CCDC149: variants seen among roughly 807,000 people sequenced by gnomAD.
CCDC149 encodes coiled-coil domain-containing protein 149.
A neutral mutation model predicts 59.9 loss-of-function variants in CCDC149; 45 were observed. That is an observed-to-expected ratio of 0.75 (90% confidence interval 0.59 to 0.96). CCDC149 has a LOEUF of 0.96. Ranked by LOEUF, CCDC149 falls within the 40% of genes least tolerant of loss-of-function variation. The pLI is 0.00. For synonymous variants in CCDC149, 245 were observed against 260.6 expected (o/e 0.94, Z 0.58); for missense variants, 584 against 664.7 (o/e 0.88, Z 1.33).
At chr4:24,819,112 T>C (rs1715195786) in intron 12 of CCDC149, among the ~76,000 whole-genome samples, 1 of 152,214 alleles carries the variant, frequency 6.6e-6, no homozygotes, top group Admixed American at 6.5e-5. Context: ...GAACTGTCTA[T>C]CTGGTAAAGC....
In CCDC149 at chr4:24,880,189, A is replaced by C. The variant is rs1355128529; in HGVS notation, c.64-3492T>G. Among the ~76,000 whole-genome samples the C allele has an allele frequency of 2.0e-5, 3 of 152,254 alleles. No homozygotes were observed. In the East Asian group the frequency reaches 5.8e-4, roughly 29 times the overall value. Reference sequence around the variant, plus strand: ...AGGTGGTGGTACCTTTTCTATGTTTAGATACGTTTAGATACACAAATATGT... The same window carrying C: ...AGGTGGTGGTACCTTTTCTATGTTTCGATACGTTTAGATACACAAATATGT... On this transcript the variant is annotated intron_variant, in intron 1 of 12. Coordinates refer to ENST00000635206, the MANE Select transcript of CCDC149 (RefSeq NM_001330643.2).
chr4:24,874,575 C>T (rs1224815341), intron 2 of CCDC149, among the ~76,000 whole-genome samples: 1 of 152,054 alleles, frequency 6.6e-6, no homozygotes, highest in Admixed American at 6.5e-5. Flanking sequence ...GAGTGAGACT[C>T]TGTCTCACAC....
rs76160602 is a variant in CCDC149 at position 24,867,558 on chromosome 4, A to G, written c.264+6123T>C. Among the ~76,000 whole-genome samples the G allele has an allele frequency of 9.6e-4, 146 of 152,358 alleles. 4 individuals are homozygous for G. In the East Asian group the frequency reaches 0.021, roughly 22 times the overall value. On this transcript the variant is annotated intron_variant, in intron 3 of 12. Transcript: ENST00000635206. ...TATCTATACTTGAGAAGAACCATCA[A>G]TACATTTAGAGCAGCGGCTCTTAAA...
intron 12 of CCDC149, among the ~76,000 whole-genome samples, chr4:24,818,258 A>G (rs1202925410): frequency 6.6e-6 from 1 of 152,148 alleles, no homozygotes; most frequent in Admixed American, 6.6e-5. Flanking sequence ...ACAAAAAAAG[A>G]AGGAAGAAAG....
intron 3 of CCDC149, among the ~76,000 whole-genome samples, chr4:24,856,591 T>C (rs1025037607): frequency 6.6e-6 from 1 of 152,190 alleles, no homozygotes; most frequent in Non-Finnish European, 1.5e-5. Context: ...CTTCCCTCTC[T>C]CCCTCACCCC....
At chr4:24,925,307 G>C (rs1402885197) in intron 1 of CCDC149, among the ~76,000 whole-genome samples, 1 of 152,126 alleles carries the variant, frequency 6.6e-6, no homozygotes, top group Non-Finnish European at 1.5e-5. Context: ...CATGGCTCTT[G>C]GTTCAGCCCT....
intron 1 of CCDC149, among the ~76,000 whole-genome samples, chr4:24,887,224 G>C (rs946831792): frequency 7.5e-6 from 1 of 132,710 alleles, no homozygotes; most frequent in Non-Finnish European, 1.6e-5. Flanking sequence ...TATTTGGGTG[G>C]CTTTATAGCC....
rs1450895345 is a variant in CCDC149 at position 24,913,002 on chromosome 4, C to G, written c.-123G>C. ...CGCCTCCGAGCCGCTGCGCCGCCGC[C>G]TCTCGCGGCCGCCAGCGCTGTTGAC... On this transcript the variant is annotated 5_prime_UTR_variant, in exon 1 of 13. Coordinates refer to ENST00000635206, the MANE Select transcript of CCDC149 (RefSeq NM_001330643.2). 1.2e-5 allele frequency: 3 copies of G among 253,632 alleles called. No homozygotes were observed. The East Asian group carries it at 4.9e-4, about 41-fold the overall frequency. The allele number at this position is 253,632 out of a possible 1,614,324, so 15.7% of individuals were successfully genotyped here.
intron 1 of CCDC149, among the ~76,000 whole-genome samples, chr4:24,978,820 A>C (rs1161244860): frequency 6.6e-6 from 1 of 152,166 alleles, no homozygotes; most frequent in East Asian, 1.9e-4. Context: ...CCTTTGGTAA[A>C]ATGCCCCATA....
At chr4:24,866,808 T>C (rs199707063) in intron 3 of CCDC149, among the ~76,000 whole-genome samples, 4 of 79,650 alleles carry the variant, frequency 5.0e-5, no homozygotes, top group South Asian at 5.6e-4. Context: ...AAAAAAAATA[T>C]ACACACACAC....
At chr4:24,862,059 C>A (rs979845244) in intron 3 of CCDC149, among the ~76,000 whole-genome samples, 7 of 152,136 alleles carry the variant, frequency 4.6e-5, no homozygotes, top group African/African-American at 1.7e-4. Flanking sequence ...CAGAGACAGT[C>A]GGCACCAAGA....
intron 3 of CCDC149, among the ~76,000 whole-genome samples, chr4:24,863,681 T>C (rs115395042): frequency 0.014 from 2,119 of 152,368 alleles, 53 homozygotes; most frequent in African/African-American, 0.049. Flanking sequence ...TCTTACACTT[T>C]AGCCCAGGCA....
intron 1 of CCDC149, among the ~76,000 whole-genome samples, chr4:24,947,378 T>G (rs141891319): frequency 1.3e-5 from 2 of 152,304 alleles, no homozygotes; most frequent in East Asian, 3.9e-4. Flanking sequence ...AGGACATGTT[T>G]TCTTCCCCTT....
intron 9 of CCDC149, among the ~76,000 whole-genome samples, chr4:24,826,085 A>AG (rs1380861985): frequency 1.3e-5 from 2 of 151,682 alleles, no homozygotes; most frequent in Non-Finnish European, 2.9e-5. Context: ...CCTCCCGAGT[A>AG]GCTGGGACTA....
At chr4:24,904,913 T>C (rs1721381726) in intron 1 of CCDC149, among the ~76,000 whole-genome samples, 1 of 152,186 alleles carries the variant, frequency 6.6e-6, no homozygotes, top group African/African-American at 2.4e-5. Context: ...ATTTGTTTGT[T>C]TGTTTTGAGA....
chr4:24,874,104 T>G (rs777246468), intron 2 of CCDC149, among the ~76,000 whole-genome samples: 5 of 151,364 alleles, frequency 3.3e-5, no homozygotes, highest in Non-Finnish European at 7.4e-5. Flanking sequence ...CATACACATA[T>G]AGAGAGAGAG....
chr4:24,889,218 G>A (rs1308614255), intron 1 of CCDC149, among the ~76,000 whole-genome samples: 1 of 152,080 alleles, frequency 6.6e-6, no homozygotes, highest in East Asian at 1.9e-4. Flanking sequence ...CTCAGTCTCT[G>A]CATTCTCCAC....
intron 1 of CCDC149, among the ~76,000 whole-genome samples, chr4:24,960,688 A>G (rs753008434): frequency 6.6e-6 from 1 of 152,250 alleles, no homozygotes; most frequent in South Asian, 2.1e-4. Flanking sequence ...AAAAGGGTCA[A>G]TTAGCCAAAA....
At chr4:24,900,234 T>C (rs550113269) in intron 1 of CCDC149, among the ~76,000 whole-genome samples, 2 of 152,316 alleles carry the variant, frequency 1.3e-5, no homozygotes, top group African/African-American at 4.8e-5. Flanking sequence ...AACTGGCACA[T>C]TGAATGCTGA....
Sources: gnomAD v4.1 joint callset for allele counts (sites outside exome capture counted in the v4.1 genomes callset) on GRCh38, gnomAD v4.1.1 for gene constraint, MANE v1.5 for transcripts, NCBI Gene and HGNC (gene_info 2026-07-23, HGNC 2026-07-21) for gene names.